CXCL13: variants seen among roughly 807,000 people sequenced by gnomAD.
CXCL13 encodes C-X-C motif chemokine ligand 13, also known as C-X-C motif chemokine 13.
A neutral mutation model predicts 12.2 loss-of-function variants in CXCL13; 7 were observed. The ratio of observed to expected loss-of-function variants is 0.57; its 90% confidence interval spans 0.33 to 1.07. The LOEUF (loss-of-function observed/expected upper bound fraction) is 1.07, where lower values mean the gene tolerates loss of function less well. Among genes scored for constraint, CXCL13 ranks in the 50% least tolerant of loss-of-function variants. The pLI is 0.04. For synonymous variants in CXCL13, 47 were observed against 42.4 expected (o/e 1.11, Z -0.42); for missense variants, 113 against 127.4 (o/e 0.89, Z 0.55).
At chr4:77,561,788 C>A (rs1216956407) in intron 1 of CXCL13, among the ~76,000 whole-genome samples, 1 of 152,228 alleles carries the variant, frequency 6.6e-6, no homozygotes, top group African/African-American at 2.4e-5. Flanking sequence ...ACTCTGGCAG[C>A]ACTTGAAGAG....
chr4:77,594,316 T>G (rs1726691959), intron 1 of CXCL13, among the ~76,000 whole-genome samples: 2 of 152,170 alleles, frequency 1.3e-5, no homozygotes, highest in Admixed American at 1.3e-4. Context: ...AGAGCCATCT[T>G]AAGTACCTCA....
upstream of CXCL13, among the ~76,000 whole-genome samples, chr4:77,602,678 G>A (rs1726906059): frequency 6.6e-6 from 1 of 151,932 alleles, no homozygotes. Context: ...CTCATTTTAT[G>A]TATCTGATGA....
chr4:77,602,722 A>G (rs1469793670), upstream of CXCL13, among the ~76,000 whole-genome samples: 1 of 152,178 alleles, frequency 6.6e-6, no homozygotes, highest in African/African-American at 2.4e-5. Flanking sequence ...CAAGTTATGT[A>G]TTTTTATGTT....
At chr4:77,517,244 G>A (rs1724446211) in intron 1 of CXCL13, among the ~76,000 whole-genome samples, 1 of 152,094 alleles carries the variant, frequency 6.6e-6, no homozygotes, top group South Asian at 2.1e-4. Flanking sequence ...GTCAATTTTG[G>A]AATAGGTGTG....
intron 1 of CXCL13, among the ~76,000 whole-genome samples, chr4:77,581,957 G>T (rs1726343787): frequency 6.6e-6 from 1 of 152,062 alleles, no homozygotes; most frequent in Non-Finnish European, 1.5e-5. Context: ...TTCTATTAAA[G>T]TTCACTAAAG....
chr4:77,528,782 A>G (rs1560516005), intron 1 of CXCL13, among the ~76,000 whole-genome samples: 1 of 152,156 alleles, frequency 6.6e-6, no homozygotes, highest in Non-Finnish European at 1.5e-5. Context: ...CTTCAGTTTA[A>G]TTAGATCCCA....
intron 1 of CXCL13, among the ~76,000 whole-genome samples, chr4:77,572,382 C>T (rs1031748858): frequency 2.6e-5 from 4 of 151,720 alleles, no homozygotes; most frequent in African/African-American, 9.7e-5. Flanking sequence ...GCCTGGGTGA[C>T]AGAGTGAGAC....
intron 1 of CXCL13, among the ~76,000 whole-genome samples, chr4:77,524,724 C>T (rs1201073226): frequency 1.3e-5 from 2 of 152,160 alleles, no homozygotes; most frequent in African/African-American, 4.8e-5. Flanking sequence ...CTGTGGGCTG[C>T]ATCCACTGTC....
intron 1 of CXCL13, among the ~76,000 whole-genome samples, chr4:77,534,883 T>C (rs755221656): frequency 6.6e-6 from 1 of 152,238 alleles, no homozygotes; most frequent in Non-Finnish European, 1.5e-5. Flanking sequence ...GTTTTGGCCT[T>C]ATATTTATCA....
At chr4:77,595,096 TG>T (rs1399742657) in intron 1 of CXCL13, among the ~76,000 whole-genome samples, 5 of 69,886 alleles carry the variant, frequency 7.2e-5, no homozygotes, top group Non-Finnish European at 1.3e-4. Context: ...TGGTTTTAGG[TG>T]ATTTTTTTTT....
intron 1 of CXCL13, among the ~76,000 whole-genome samples, chr4:77,568,430 A>G (rs1402997904): frequency 6.6e-6 from 1 of 152,182 alleles, no homozygotes; most frequent in Non-Finnish European, 1.5e-5. Flanking sequence ...GTTTCTAACA[A>G]CCAGCCATTT....
At chr4:77,513,745 C>T (rs1578029658) in intron 1 of CXCL13, among the ~76,000 whole-genome samples, 1 of 152,136 alleles carries the variant, frequency 6.6e-6, no homozygotes, top group East Asian at 1.9e-4. Flanking sequence ...AGCCACCACA[C>T]CTGGCCTGTT....
intron 1 of CXCL13, among the ~76,000 whole-genome samples, chr4:77,520,296 T>C (rs1724557658): frequency 6.6e-6 from 1 of 152,200 alleles, no homozygotes; most frequent in Non-Finnish European, 1.5e-5. Context: ...ACCTATAAAT[T>C]ACCTTGGGCA....
chr4:77,550,273 A>T (rs1449133726), intron 1 of CXCL13, among the ~76,000 whole-genome samples: 1 of 152,152 alleles, frequency 6.6e-6, no homozygotes, highest in East Asian at 1.9e-4. Context: ...TAGGAAAGGG[A>T]ATTCCCCAAC....
chr4:77,570,410 A>G (rs1726040994), intron 1 of CXCL13, among the ~76,000 whole-genome samples: 1 of 152,220 alleles, frequency 6.6e-6, no homozygotes, highest in Admixed American at 6.5e-5. Flanking sequence ...TAAACTTACA[A>G]GAAAAAAACC....
intron 1 of CXCL13, among the ~76,000 whole-genome samples, chr4:77,515,072 C>T (rs900532280): frequency 7.2e-5 from 11 of 152,092 alleles, no homozygotes; most frequent in Non-Finnish European, 1.6e-4. Context: ...GAATCCTTTC[C>T]CCATTGCTTG....
intron 1 of CXCL13, among the ~76,000 whole-genome samples, chr4:77,553,397 A>G (rs1348184805): frequency 6.6e-6 from 1 of 152,226 alleles, no homozygotes; most frequent in Admixed American, 6.5e-5. Context: ...GCCTGGGTTA[A>G]AAATGGTGTC....
intron 1 of CXCL13, among the ~76,000 whole-genome samples, chr4:77,573,362 T>TTGTG (rs3048191): frequency 0.024 from 3,266 of 134,936 alleles, 46 homozygotes; most frequent in Non-Finnish European, 0.028. Context: ...ATTGGGTCTT[T>TTGTG]TGTGTGTGTG....
At chr4:77,544,092 C>T (rs1425581964) in intron 1 of CXCL13, among the ~76,000 whole-genome samples, 1 of 152,176 alleles carries the variant, frequency 6.6e-6, no homozygotes, top group East Asian at 1.9e-4. Flanking sequence ...TTTTTTATGG[C>T]TGCATAGTAT....
Sources: allele counts gnomAD v4.1 joint callset (sites outside exome capture counted in the v4.1 genomes callset), GRCh38; gene constraint gnomAD v4.1.1; transcripts MANE v1.5; gene names NCBI Gene and HGNC (gene_info 2026-07-23, HGNC 2026-07-21).